NR5A2: variants seen among roughly 807,000 people sequenced by gnomAD.
The protein encoded by NR5A2 is nuclear receptor subfamily 5 group A member 2, also known as CYP7A promoter-binding factor.
In NR5A2, 26 loss-of-function variants were observed where a neutral mutation model predicts 62.7. That is an observed-to-expected ratio of 0.41 (90% confidence interval 0.30 to 0.58). NR5A2 has a LOEUF of 0.58. Ranked by LOEUF, NR5A2 falls within the 20% of genes least tolerant of loss-of-function variation. The pLI is 0.22. For missense variants in NR5A2, 541 were observed against 669.1 expected (o/e 0.81, Z 2.11); for synonymous variants, 246 against 241.7 (o/e 1.02, Z -0.16).
intron 7 of NR5A2, among the ~76,000 whole-genome samples, chr1:200,143,916 G>A (rs2102349698): frequency 6.6e-6 from 1 of 152,144 alleles, no homozygotes; most frequent in South Asian, 2.1e-4. Context: ...TGGGATTACA[G>A]GCATGAGCCA....
At chr1:200,110,465 T>C (rs1270195428) in intron 5 of NR5A2, among the ~76,000 whole-genome samples, 1 of 152,220 alleles carries the variant, frequency 6.6e-6, no homozygotes, top group Middle Eastern at 3.2e-3. Context: ...CCCATTATAA[T>C]GTAGCACTTT....
chr1:200,121,774 G>GA (rs1462092939), intron 7 of NR5A2, among the ~76,000 whole-genome samples: 9 of 152,090 alleles, frequency 5.9e-5, no homozygotes, highest in Non-Finnish European at 1.2e-4. Flanking sequence ...TCCCTTGAAT[G>GA]AAAAAAATGC....
At position 200,164,846 on chromosome 1, in the gene NR5A2, C is replaced by A. The variant is rs1653818360; in HGVS notation, c.1379-9117C>A. Reference sequence around the variant, plus strand: ...TACAGGCATGAGTCACCGCACCTGGCCAACTTTATTTTTTAGAGCAGTTTT... The same window carrying A: ...TACAGGCATGAGTCACCGCACCTGGACAACTTTATTTTTTAGAGCAGTTTT... On this transcript the variant is annotated intron_variant, in intron 7 of 7. Transcript: ENST00000367362. Among the ~76,000 whole-genome samples, 4 of 147,464 alleles carry A rather than the reference C, an allele frequency of 2.7e-5. No homozygotes were observed. The Admixed American group carries it at 2.7e-4, about 10-fold the overall frequency.
At chr1:200,077,957 A>G (rs1314283396) in intron 5 of NR5A2, among the ~76,000 whole-genome samples, 1 of 152,174 alleles carries the variant, frequency 6.6e-6, no homozygotes, top group African/African-American at 2.4e-5. Context: ...AAAAATGCAT[A>G]AAACAGAAAT....
chr1:200,130,773 A>G (rs573295649), intron 7 of NR5A2, among the ~76,000 whole-genome samples: 13 of 152,080 alleles, frequency 8.5e-5, no homozygotes, highest in South Asian at 2.1e-4. Context: ...ATATGATTAC[A>G]TACTCACCCA....
intron 7 of NR5A2, among the ~76,000 whole-genome samples, chr1:200,137,903 T>C (rs1398249274): frequency 6.6e-6 from 1 of 152,224 alleles, no homozygotes; most frequent in Non-Finnish European, 1.5e-5. Context: ...TTGGGGTCCA[T>C]GATACTGTAA....
At chr1:200,054,010 A>G (rs866138294) in intron 5 of NR5A2, 9 of 152,238 alleles carry the variant, frequency 5.9e-5, no homozygotes, top group Admixed American at 3.9e-4. Flanking sequence ...CATGTTCAGT[A>G]TGGGTTTCTT....
At chr1:200,054,977 G>A (rs1017384959) in intron 5 of NR5A2, among the ~76,000 whole-genome samples, 1 of 148,898 alleles carries the variant, frequency 6.7e-6, no homozygotes, top group African/African-American at 2.5e-5. Context: ...GCTCACTGCA[G>A]CCTTGACCTT....
rs1319342676 is a variant in NR5A2 at position 200,177,069 on chromosome 1, C to T, written c.*2859C>T. On this transcript the variant is annotated 3_prime_UTR_variant, in exon 8 of 8. Coordinates refer to ENST00000367362, the MANE Select transcript of NR5A2 (RefSeq NM_205860.3). Reference sequence around the variant, plus strand: ...AGTTTCTCTAATGTTGATTGTTAGCCGATTTGTAACCTGGCATTTACTTAG... The same window carrying T: ...AGTTTCTCTAATGTTGATTGTTAGCTGATTTGTAACCTGGCATTTACTTAG... The T allele has an allele frequency of 2.0e-5, 3 of 152,240 alleles. No homozygotes were observed. Among genetic ancestry groups the T allele is most frequent in the Non-Finnish European group, 2.9e-5 (2 of 68,028 alleles). The allele number at this position is 152,240 out of a possible 1,614,324, so 9.4% of individuals were successfully genotyped here. A position where few individuals can be genotyped will look rare whatever the true frequency, so the allele number is the denominator to read the frequency against.
chr1:200,073,152 G>A (rs1026070841), intron 5 of NR5A2, among the ~76,000 whole-genome samples: 1 of 150,900 alleles, frequency 6.6e-6, no homozygotes, highest in African/African-American at 2.4e-5. Flanking sequence ...AGTGCATCGT[G>A]AACAGCCCTG....
intron 5 of NR5A2, among the ~76,000 whole-genome samples, chr1:200,095,309 A>G (rs1391262734): frequency 6.6e-6 from 1 of 151,908 alleles, no homozygotes; most frequent in Non-Finnish European, 1.5e-5. Context: ...TTGAAATAGC[A>G]ATGAGATGCC....
intron 7 of NR5A2, among the ~76,000 whole-genome samples, chr1:200,169,495 C>G (rs1654073564): frequency 6.6e-6 from 1 of 152,166 alleles, no homozygotes; most frequent in African/African-American, 2.4e-5. Flanking sequence ...GAGTATCTTC[C>G]TCTTCAGAGA....
chr1:200,081,106 C>T (rs1273723430), intron 5 of NR5A2, among the ~76,000 whole-genome samples: 2 of 152,100 alleles, frequency 1.3e-5, no homozygotes, highest in African/African-American at 2.4e-5. Context: ...GAGCATTAGC[C>T]GTCAAAAGAA....
At position 200,175,138 on chromosome 1, in the gene NR5A2, T is replaced by C. The variant is rs1654361419; in HGVS notation, c.*928T>C. Reference sequence around the variant, plus strand: ...ACATCAGTCTTTTTCATCATCCAAGTTTGTAGTTCATTTAAAAATACAACA... The same window carrying C: ...ACATCAGTCTTTTTCATCATCCAAGCTTGTAGTTCATTTAAAAATACAACA... On this transcript the variant is annotated 3_prime_UTR_variant, in exon 8 of 8. Transcript: ENST00000367362. The C allele has an allele frequency of 1.3e-5, 2 of 152,656 alleles. No homozygotes were observed. Among genetic ancestry groups the C allele is most frequent in the Non-Finnish European group, 2.9e-5 (2 of 68,040 alleles). 9.5% of individuals were successfully genotyped at this position (152,656 alleles called of 1,614,324 possible). A position where few individuals can be genotyped will look rare whatever the true frequency, so the allele number is the denominator to read the frequency against.
intron 7 of NR5A2, among the ~76,000 whole-genome samples, chr1:200,126,010 C>G (rs1205619990): frequency 2.0e-5 from 3 of 151,916 alleles, no homozygotes; most frequent in African/African-American, 7.3e-5. Flanking sequence ...CATTGCCTGG[C>G]TAATTTTTTA....
At chr1:200,087,327 C>T (rs546175543) in intron 5 of NR5A2, among the ~76,000 whole-genome samples, 17 of 152,050 alleles carry the variant, frequency 1.1e-4, no homozygotes, top group South Asian at 8.3e-4. Context: ...GTTCAATAGC[C>T]ATCTTTCCTC....
intron 7 of NR5A2, among the ~76,000 whole-genome samples, chr1:200,121,371 A>G (rs1666473967): frequency 6.6e-6 from 1 of 152,222 alleles, no homozygotes; most frequent in African/African-American, 2.4e-5. Flanking sequence ...TTATTCTTCT[A>G]AAATATGAAT....
chr1:200,169,250 T>A (rs1023728013), intron 7 of NR5A2, among the ~76,000 whole-genome samples: 2 of 151,978 alleles, frequency 1.3e-5, no homozygotes, highest in Non-Finnish European at 2.9e-5. Flanking sequence ...TAGTAATTTT[T>A]AAAAAATAAA....
chr1:200,168,209 A>AT lies in NR5A2; in HGVS notation c.1379-5754_1379-5753insT, dbSNP rs1483488948. Among the ~76,000 whole-genome samples the AT allele has an allele frequency of 1.1e-3, 156 of 136,564 alleles. 3 individuals are homozygous for AT. In the East Asian group the frequency reaches 0.02, roughly 18 times the overall value. The allele number at this position is 136,564 out of a possible 152,430, so 89.6% of individuals were successfully genotyped here. A position where few individuals can be genotyped will look rare whatever the true frequency, so the allele number is the denominator to read the frequency against. On this transcript the variant is annotated intron_variant, in intron 7 of 7. Transcript: ENST00000367362. ...TATATAGTATATACACTTTATATCT[A>AT]CTTTTTTTTTTTTTTTTTAAGAGAC...
Sources: gnomAD v4.1 joint callset for allele counts (sites outside exome capture counted in the v4.1 genomes callset) on GRCh38, gnomAD v4.1.1 for gene constraint, MANE v1.5 for transcripts, NCBI Gene and HGNC (gene_info 2026-07-23, HGNC 2026-07-21) for gene names.